SLC35F3: variants seen among roughly 807,000 people sequenced by gnomAD.
SLC35F3 encodes putative thiamine transporter SLC35F3.
In SLC35F3, 25 loss-of-function variants were observed where a neutral mutation model predicts 49.9. That is an observed-to-expected ratio of 0.50 (90% CI 0.37 to 0.70). The LOEUF (loss-of-function observed/expected upper bound fraction) is 0.70, where lower values mean the gene tolerates loss of function less well. Ranked by LOEUF, SLC35F3 falls within the 30% of genes least tolerant of loss-of-function variation. The probability of loss-of-function intolerance (pLI) is 0.00; values close to 1 mark genes in which losing one functional copy is unlikely to be tolerated. For missense variants in SLC35F3, 525 were observed against 639.8 expected (o/e 0.82, Z 1.94); for synonymous variants, 275 against 265.4 (o/e 1.04, Z -0.35).
intron 2 of SLC35F3, among the ~76,000 whole-genome samples, chr1:234,115,295 C>G (rs1181848673): frequency 6.6e-6 from 1 of 152,204 alleles, no homozygotes. Flanking sequence ...TCCTGGCTGC[C>G]CACACATCTG....
chr1:233,984,289 T>G (rs1663232000), intron 2 of SLC35F3, among the ~76,000 whole-genome samples: 1 of 152,198 alleles, frequency 6.6e-6, no homozygotes, highest in Non-Finnish European at 1.5e-5. Context: ...GTTATAGAAC[T>G]GAACTGGGGT....
chr1:234,321,024 C>A (rs996723230), intron 7 of SLC35F3, among the ~76,000 whole-genome samples: 1 of 129,524 alleles, frequency 7.7e-6, no homozygotes, highest in African/African-American at 3.4e-5. Flanking sequence ...CACTTCCAGG[C>A]CATTAAAAGA....
At chr1:234,253,958 T>C (rs1457233346) in intron 3 of SLC35F3, among the ~76,000 whole-genome samples, 1 of 152,240 alleles carries the variant, frequency 6.6e-6, no homozygotes, top group Admixed American at 6.5e-5. Flanking sequence ...TTCCCTATTA[T>C]GACCCTACTG....
intron 2 of SLC35F3, among the ~76,000 whole-genome samples, chr1:234,088,454 C>T (rs1156863314): frequency 6.6e-6 from 1 of 152,168 alleles, no homozygotes; most frequent in Non-Finnish European, 1.5e-5. Flanking sequence ...GTGATCCACC[C>T]ACCTCGGCCT....
At chr1:234,073,527 G>A (rs966981617) in intron 2 of SLC35F3, among the ~76,000 whole-genome samples, 28 of 152,330 alleles carry the variant, frequency 1.8e-4, no homozygotes, top group Non-Finnish European at 4.0e-4. Context: ...ATGGAAAGAA[G>A]CAGCAGCCAT....
chr1:234,098,703 GGTA>G (rs1399077817), intron 2 of SLC35F3, among the ~76,000 whole-genome samples: 14 of 151,506 alleles, frequency 9.2e-5, no homozygotes, highest in South Asian at 2.1e-4. Flanking sequence ...TATTGGTGGT[GGTA>G]GTGGCAGTTC....
intron 2 of SLC35F3, among the ~76,000 whole-genome samples, chr1:234,065,152 CT>C (rs200485956): frequency 1.2e-3 from 168 of 145,910 alleles, no homozygotes; most frequent in Non-Finnish European, 1.1e-3. Context: ...TGATCAAACA[CT>C]TTTTTTTTTT....
At chr1:234,276,841 C>T (rs1668219895) in intron 3 of SLC35F3, among the ~76,000 whole-genome samples, 1 of 152,210 alleles carries the variant, frequency 6.6e-6, no homozygotes, top group African/African-American at 2.4e-5. Context: ...GAGGAAGACT[C>T]TTATTTGGAT....
chr1:234,147,462 T>C (rs977488501), intron 2 of SLC35F3, among the ~76,000 whole-genome samples: 9 of 152,216 alleles, frequency 5.9e-5, no homozygotes, highest in African/African-American at 1.9e-4. Context: ...GTTATACTTA[T>C]TTTAAATCTT....
intron 2 of SLC35F3, among the ~76,000 whole-genome samples, chr1:234,185,720 C>G (rs1272120045): frequency 1.3e-5 from 2 of 152,174 alleles, no homozygotes; most frequent in Non-Finnish European, 2.9e-5. Flanking sequence ...AAATGTGGAC[C>G]TAAGGTATTG....
At chr1:234,081,036 C>T (rs1222347900) in intron 2 of SLC35F3, among the ~76,000 whole-genome samples, 1 of 152,182 alleles carries the variant, frequency 6.6e-6, no homozygotes, top group East Asian at 1.9e-4. Context: ...GCCAACTTAG[C>T]GACCTCTTAA....
intron 2 of SLC35F3, among the ~76,000 whole-genome samples, chr1:233,913,217 T>C (rs1456619675): frequency 6.6e-6 from 1 of 152,232 alleles, no homozygotes. Flanking sequence ...TGTAGTCAGC[T>C]ATTGCTAGAC....
chr1:234,149,079 G>A (rs566583913), intron 2 of SLC35F3, among the ~76,000 whole-genome samples: 2 of 152,186 alleles, frequency 1.3e-5, no homozygotes, highest in Non-Finnish European at 2.9e-5. Flanking sequence ...GAGAGTGCAG[G>A]TGGGAACACA....
intron 2 of SLC35F3, among the ~76,000 whole-genome samples, chr1:234,054,840 T>C (rs552447809): frequency 1.2e-4 from 19 of 152,352 alleles, no homozygotes; most frequent in African/African-American, 4.6e-4. Flanking sequence ...ATGTCCTTTC[T>C]GTTTGTTAGT....
At chr1:234,289,351 G>A (rs149858962) in intron 3 of SLC35F3, among the ~76,000 whole-genome samples, 46 of 152,312 alleles carry the variant, frequency 3.0e-4, no homozygotes, top group African/African-American at 1.1e-3. Flanking sequence ...GGCGACAGGT[G>A]CCAGAAATGA....
At chr1:234,044,097 A>G (rs1336528835) in intron 2 of SLC35F3, among the ~76,000 whole-genome samples, 3 of 152,164 alleles carry the variant, frequency 2.0e-5, no homozygotes, top group Non-Finnish European at 4.4e-5. Context: ...TTCTCACGGT[A>G]GTGAGTTCTC....
intron 3 of SLC35F3, among the ~76,000 whole-genome samples, chr1:234,302,845 CCT>C (rs1221854415): frequency 6.6e-6 from 1 of 152,054 alleles, no homozygotes; most frequent in African/African-American, 2.4e-5. Flanking sequence ...AGAAACTTTA[CCT>C]CTCTCTTATG....
intron 3 of SLC35F3, among the ~76,000 whole-genome samples, chr1:234,277,858 T>C (rs908236010): frequency 6.6e-6 from 1 of 152,168 alleles, no homozygotes; most frequent in Non-Finnish European, 1.5e-5. Context: ...AAAGAAGTTA[T>C]TAACTCTAAA....
At chr1:234,130,977 G>A (rs1345346893) in intron 2 of SLC35F3, among the ~76,000 whole-genome samples, 1 of 129,776 alleles carries the variant, frequency 7.7e-6, no homozygotes, top group East Asian at 1.9e-4. Flanking sequence ...TACTATACAG[G>A]ATGAAAATGA....
Sources: gnomAD v4.1 joint callset for allele counts (sites outside exome capture counted in the v4.1 genomes callset) on GRCh38, gnomAD v4.1.1 for gene constraint, MANE v1.5 for transcripts, NCBI Gene and HGNC (gene_info 2026-07-23, HGNC 2026-07-21) for gene names.